Variants in CCDC77 observed in about 807,000 individuals in gnomAD.
The protein encoded by CCDC77 is coiled-coil domain-containing protein 77.
CCDC77 carries 56 observed loss-of-function variants against 66.8 expected under a neutral mutation model. That is an observed-to-expected ratio of 0.84 (90% CI 0.68 to 1.05). The LOEUF (loss-of-function observed/expected upper bound fraction) is 1.05, where lower values mean the gene tolerates loss of function less well. Ranked by LOEUF, CCDC77 falls within the 50% of genes least tolerant of loss-of-function variation. CCDC77 has a pLI of 0.00. For synonymous variants in CCDC77, 196 were observed against 195.2 expected (o/e 1.00, Z -0.03); for missense variants, 570 against 576.8 (o/e 0.99, Z 0.12).
At chr12:389,568 GCGCAA>G (rs1364145163) in intron 1 of CCDC77, 1 of 278,676 alleles carries the variant, frequency 3.6e-6, no homozygotes, top group Non-Finnish European at 7.0e-6. Flanking sequence ...GCGGGGCGAG[GCGCAA>G]CGAGGCGGGG....
At chr12:424,919 C>CT (rs529763979) in intron 5 of CCDC77, among the ~76,000 whole-genome samples, 4,377 of 129,420 alleles carry the variant, frequency 0.034, 181 homozygotes, top group African/African-American at 0.11. Context: ...TGGTTTCTTT[C>CT]TTTTTTTTTT....
intron 3 of CCDC77, 62 bp from the exon 4 acceptor site, chr12:411,685 G>A: frequency 3.0e-6 from 4 of 1,325,412 alleles, no homozygotes; most frequent in East Asian, 2.4e-5. Flanking sequence ...TTTTATTTAG[G>A]AAGTTATAAC....
chr12:406,020 C>T (rs114719672), intron 2 of CCDC77, among the ~76,000 whole-genome samples: 454 of 151,252 alleles, frequency 3.0e-3, no homozygotes, highest in African/African-American at 0.01. Context: ...CCGGTGCAGG[C>T]GATCCTCCTA....
At chr12:415,018 A>C (rs11062845) in intron 4 of CCDC77, among the ~76,000 whole-genome samples, 7 of 151,882 alleles carry the variant, frequency 4.6e-5, no homozygotes, top group African/African-American at 1.7e-4. Flanking sequence ...CACATTATGT[A>C]TGTATACAAT....
chr12:405,261 G>T (rs1166076559), intron 1 of CCDC77, among the ~76,000 whole-genome samples: 1 of 152,230 alleles, frequency 6.6e-6, no homozygotes, highest in Non-Finnish European at 1.5e-5. Context: ...GAGACAGTAG[G>T]TTAGTGGTTG....
At chr12:397,105 G>A (rs1944837993), upstream of CCDC77, among the ~76,000 whole-genome samples, 1 of 152,112 alleles carries the variant, frequency 6.6e-6, no homozygotes, top group Non-Finnish European at 1.5e-5. Context: ...CTAGAGATGG[G>A]GCTCATGCCT....
chr12:411,482 G>T (rs1489591214), intron 3 of CCDC77, among the ~76,000 whole-genome samples: 3 of 150,788 alleles, frequency 2.0e-5, no homozygotes, highest in Admixed American at 6.6e-5. Flanking sequence ...GCCCGGCCAA[G>T]ATTTTTTTTT....
chr12:428,536 A>G (rs895400595), intron 5 of CCDC77, among the ~76,000 whole-genome samples: 3 of 133,570 alleles, frequency 2.2e-5, no homozygotes, highest in Non-Finnish European at 4.9e-5. Flanking sequence ...AAAAAAAAAA[A>G]GAATTAGCTA....
rs771617078 is a variant in CCDC77 at position 440,955 on chromosome 12, C to A, written c.1279C>A (p.Leu427Ile). 6.2e-7 allele frequency: 1 copy of A among 1,613,114 alleles called. No individual in the cohort carries two copies. The highest frequency in any genetic ancestry group is 1.1e-5 in the South Asian group (1 of 91,074). Residue 427 changes from leucine to isoleucine, a missense_variant, in exon 12 of 13, where the codon CTC becomes ATC. Coordinates refer to ENST00000239830, the MANE Select transcript of CCDC77 (RefSeq NM_032358.4). ...AGGCTTTAAGACAGATATTAAAGTTCTCCGACAGAAACTGAAAGACTTGGA... is the reference window on the plus strand; with the variant it reads ...AGGCTTTAAGACAGATATTAAAGTTATCCGACAGAAACTGAAAGACTTGGA... ...VEGFKTDIKVLRQKLKDLEQM... is the reference protein window; with the variant it reads ...VEGFKTDIKVIRQKLKDLEQM...
chr12:423,522 G>C (rs1483984497), intron 5 of CCDC77, among the ~76,000 whole-genome samples: 1 of 120,770 alleles, frequency 8.3e-6, no homozygotes, highest in Non-Finnish European at 1.6e-5. Flanking sequence ...TTGAGACAGG[G>C]TCTTGCTCAG....
rs201929532 is a variant in CCDC77 at position 439,192 on chromosome 12, AG to A, written c.1041+639del. 9.4e-3 allele frequency among the ~76,000 whole-genome samples: 1,427 copies of A among 152,290 alleles called. 6 individuals carry two copies. Among genetic ancestry groups the A allele is most frequent in the Non-Finnish European group, 0.015 (1,019 of 68,018 alleles). On this transcript the variant is annotated intron_variant, in intron 10 of 12. Coordinates refer to ENST00000239830, the MANE Select transcript of CCDC77 (RefSeq NM_032358.4). Reference sequence around the variant, plus strand: ...CATGGTGTTTACATTTTAATGGGTGAGAAAAAACAGAAACATTAGCAAATAA... The same window carrying A: ...CATGGTGTTTACATTTTAATGGGTGAAAAAAACAGAAACATTAGCAAATAA...
chr12:399,870 C>T (rs1944874383), upstream of CCDC77, among the ~76,000 whole-genome samples: 2 of 152,186 alleles, frequency 1.3e-5, no homozygotes, highest in South Asian at 4.1e-4. Context: ...GCATTAGCCC[C>T]TAACATGAGA....
chr12:397,450 G>C (rs573113367), upstream of CCDC77, among the ~76,000 whole-genome samples: 12 of 152,208 alleles, frequency 7.9e-5, no homozygotes, highest in South Asian at 2.5e-3. Context: ...AGGTTTGGGA[G>C]TACAGGCATA....
rs1945876500 is a variant in CCDC77 at position 442,576 on chromosome 12, C to T, written c.*656C>T. 6.6e-6 allele frequency: 1 copy of T among 152,158 alleles called. No individual in the cohort carries two copies. Among genetic ancestry groups the T allele is most frequent in the Admixed American group, 6.5e-5 (1 of 15,270 alleles). 9.4% of individuals were successfully genotyped at this position (152,158 alleles called of 1,614,324 possible). ...GAAAGTTTGATATTTTTATCAGTCA[C>T]ATGGCTTTTGAAAAATGATGTATAT... On this transcript the variant is annotated 3_prime_UTR_variant, in exon 13 of 13. Coordinates refer to ENST00000239830, the MANE Select transcript of CCDC77 (RefSeq NM_032358.4).
chr12:416,355 G>A (rs1565569013), intron 4 of CCDC77, among the ~76,000 whole-genome samples: 15 of 31,746 alleles, frequency 4.7e-4, no homozygotes, highest in African/African-American at 1.9e-3. Context: ...GTGTGTGTGT[G>A]TGTGTGTGTG....
chr12:425,857 TTTTG>T (rs941610317), intron 5 of CCDC77, among the ~76,000 whole-genome samples: 10 of 152,086 alleles, frequency 6.6e-5, no homozygotes, highest in East Asian at 3.9e-4. Flanking sequence ...TTTTTTTTGT[TTTTG>T]TTTGTTTGTT....
At chr12:427,047 C>T (rs1195497064) in intron 5 of CCDC77, among the ~76,000 whole-genome samples, 2 of 152,100 alleles carry the variant, frequency 1.3e-5, no homozygotes, top group Non-Finnish European at 2.9e-5. Context: ...GAGTTCAAGA[C>T]CAGCCTGGCC....
rs1945214879 is a variant in CCDC77, at chr12:415,359, T to TTATGTTAATATAATCAACA, written c.271-3132_271-3114dup. 8.9e-5 allele frequency among the ~76,000 whole-genome samples: 10 copies of TTATGTTAATATAATCAACA among 112,378 alleles called. 1 individual carries two copies. Among genetic ancestry groups the TTATGTTAATATAATCAACA allele is most frequent in the South Asian group, 4.9e-4 (2 of 4,076 alleles). The allele number at this position is 112,378 out of a possible 152,430, so 73.7% of individuals were successfully genotyped here. A position where few individuals can be genotyped will look rare whatever the true frequency, so the allele number is the denominator to read the frequency against. On this transcript the variant is annotated intron_variant, in intron 4 of 12. Transcript: ENST00000239830. ...TTATGTTAATATAATCAACATAATA[T>TTATGTTAATATAATCAACA]TATGTTAATATAATCAACATAATAT...
At chr12:424,379 T>G (rs1945490854) in intron 5 of CCDC77, among the ~76,000 whole-genome samples, 1 of 152,078 alleles carries the variant, frequency 6.6e-6, no homozygotes, top group Non-Finnish European at 1.5e-5. Context: ...CTCTTTTTTT[T>G]TTTTTTAGGG....
Sources: allele counts gnomAD v4.1 joint callset (sites outside exome capture counted in the v4.1 genomes callset), GRCh38; gene constraint gnomAD v4.1.1; transcripts MANE v1.5; gene names NCBI Gene and HGNC (gene_info 2026-07-23, HGNC 2026-07-21).